RSRC1: variants seen among roughly 807,000 people sequenced by gnomAD.
The protein encoded by RSRC1 is serine/Arginine-related protein 53.
In RSRC1, 39 loss-of-function variants were observed where a neutral mutation model predicts 49.1. The observed-to-expected ratio is 0.79, with a 90% CI of 0.61 to 1.04. The LOEUF (loss-of-function observed/expected upper bound fraction) is 1.04. RSRC1 is among the 50% of genes least tolerant of loss of function. The pLI is 0.00. For synonymous variants in RSRC1, 143 were observed against 130.8 expected (o/e 1.09, Z -0.63); for missense variants, 388 against 402.4 (o/e 0.96, Z 0.31).
At chr3:158,518,122 GTGTGTATA>G (rs1446757303) in intron 7 of RSRC1, among the ~76,000 whole-genome samples, 32 of 63,008 alleles carry the variant, frequency 5.1e-4, no homozygotes, top group African/African-American at 1.4e-3. Flanking sequence ...GTGTGTGTGT[GTGTGTATA>G]TATATATATA....
At chr3:158,321,286 TC>T (rs1193959510) in intron 5 of RSRC1, among the ~76,000 whole-genome samples, 2 of 24,822 alleles carry the variant, frequency 8.1e-5, no homozygotes, top group African/African-American at 1.6e-4. Context: ...TTCCTCTTCC[TC>T]CTCCTCCTCC....
chr3:158,487,899 G>T (rs1738879084), intron 7 of RSRC1, among the ~76,000 whole-genome samples: 1 of 129,614 alleles, frequency 7.7e-6, no homozygotes, highest in East Asian at 2.4e-4. Flanking sequence ...GCAGTGAGCT[G>T]AGACCACGCC....
chr3:158,390,878 T>C (rs1733247209), intron 6 of RSRC1, among the ~76,000 whole-genome samples: 1 of 152,192 alleles, frequency 6.6e-6, no homozygotes, highest in East Asian at 1.9e-4. Flanking sequence ...ACTGAACTTT[T>C]AAGAATACTT....
intron 4 of RSRC1, 66 bp from the exon 5 acceptor site, chr3:158,297,973 G>T: frequency 8.9e-7 from 1 of 1,128,744 alleles, no homozygotes; most frequent in Non-Finnish European, 1.3e-6. Context: ...AAACATTTTT[G>T]AGGTAAACAA....
At chr3:158,508,705 A>G (rs1379254062) in intron 7 of RSRC1, among the ~76,000 whole-genome samples, 1 of 152,188 alleles carries the variant, frequency 6.6e-6, no homozygotes, top group Middle Eastern at 3.2e-3. Flanking sequence ...TGTCCAGTGT[A>G]TTCACATTGT....
chr3:158,227,057 A>G (rs1474721396), intron 4 of RSRC1, among the ~76,000 whole-genome samples: 1 of 151,916 alleles, frequency 6.6e-6, no homozygotes, highest in East Asian at 1.9e-4. Flanking sequence ...ATACTAAGAT[A>G]TAAGATTTTG....
chr3:158,229,958 C>CATCCCATAGTCCAGCATCCAGCAT (rs1384886222), intron 4 of RSRC1, among the ~76,000 whole-genome samples: 5 of 152,122 alleles, frequency 3.3e-5, no homozygotes, highest in African/African-American at 1.2e-4. Flanking sequence ...CATAGTCCAG[C>CATCCCATAGTCCAGCATCCAGCAT]AGTCCATGGT....
At chr3:158,487,187 A>G (rs1326710988) in intron 7 of RSRC1, among the ~76,000 whole-genome samples, 2 of 152,212 alleles carry the variant, frequency 1.3e-5, no homozygotes, top group South Asian at 4.1e-4. Context: ...GAGCTAACCA[A>G]TTACAAACAT....
chr3:158,215,271 T>C (rs1342613172), intron 4 of RSRC1, among the ~76,000 whole-genome samples: 1 of 151,316 alleles, frequency 6.6e-6, no homozygotes, highest in Non-Finnish European at 1.5e-5. Context: ...ATCATTATAT[T>C]TGAGATGAGT....
At chr3:158,408,990 G>A (rs547184492) in intron 6 of RSRC1, among the ~76,000 whole-genome samples, 16 of 152,036 alleles carry the variant, frequency 1.1e-4, no homozygotes, top group African/African-American at 2.7e-4. Flanking sequence ...CCGAGATCAC[G>A]CTACTGCACT....
chr3:158,210,054 T>TG (rs1721577096), intron 4 of RSRC1, among the ~76,000 whole-genome samples: 1 of 152,152 alleles, frequency 6.6e-6, no homozygotes, highest in Non-Finnish European at 1.5e-5. Context: ...AGCTGGACTC[T>TG]GAGTTTTGAC....
chr3:158,471,222 T>A (rs1344474741), intron 7 of RSRC1, among the ~76,000 whole-genome samples: 1 of 152,192 alleles, frequency 6.6e-6, no homozygotes, highest in Non-Finnish European at 1.5e-5. Flanking sequence ...AAGTCTGCAG[T>A]ATGATAAGTA....
At chr3:158,114,612 T>C (rs1322932984) in intron 1 of RSRC1, among the ~76,000 whole-genome samples, 2 of 152,230 alleles carry the variant, frequency 1.3e-5, no homozygotes, top group Non-Finnish European at 2.9e-5. Context: ...TTTCACGATA[T>C]TGATTCTTCC....
rs1713281977 is a variant in RSRC1 at position 158,545,236 on chromosome 3, C to G, written c.*961C>G. 1.2e-5 allele frequency: 1 copy of G among 85,326 alleles called. No homozygotes were observed. Among genetic ancestry groups the G allele is most frequent in the Admixed American group, 1.6e-4 (1 of 6,214 alleles). 5.3% of individuals were successfully genotyped at this position (85,326 alleles called of 1,614,324 possible). ...TTTTTTTTTGAGACGGAGTCTCGCT[C>G]TATCCCCCATGCTGGAGTGCAGTGG... On this transcript the variant is annotated 3_prime_UTR_variant, in exon 10 of 10. Coordinates refer to ENST00000611884, the MANE Select transcript of RSRC1 (RefSeq NM_001271838.2).
At chr3:158,252,708 G>T (rs1724290741) in intron 4 of RSRC1, among the ~76,000 whole-genome samples, 1 of 152,114 alleles carries the variant, frequency 6.6e-6, no homozygotes, top group Non-Finnish European at 1.5e-5. Context: ...TGAAGCCATT[G>T]AGTCATGGGC....
rs148458445 is a variant in RSRC1 at position 158,238,022 on chromosome 3, C to A, written c.494+34777C>A. ...CTGATAAGTAACTTCAGCAAAGTCTCAGGATACAAAATCAATGTGCAAAAA... is the reference window on the plus strand; with the variant it reads ...CTGATAAGTAACTTCAGCAAAGTCTAAGGATACAAAATCAATGTGCAAAAA... On this transcript the variant is annotated intron_variant, in intron 4 of 9. Transcript: ENST00000611884. Among the ~76,000 whole-genome samples the A allele has an allele frequency of 1.2e-3, 180 of 152,264 alleles. 1 individual carries two copies. The highest frequency in any genetic ancestry group is 4.2e-3 in the African/African-American group (175 of 41,554).
At chr3:158,535,014 T>G (rs1712639541) in intron 7 of RSRC1, among the ~76,000 whole-genome samples, 1 of 151,418 alleles carries the variant, frequency 6.6e-6, no homozygotes, top group South Asian at 2.1e-4. Context: ...AATTTTGACC[T>G]TAGAATCATG....
intron 4 of RSRC1, among the ~76,000 whole-genome samples, chr3:158,225,161 G>A (rs1348191765): frequency 6.6e-6 from 1 of 151,800 alleles, no homozygotes; most frequent in East Asian, 1.9e-4. Context: ...GAGAGACCTA[G>A]TCTAGCCTGT....
chr3:158,235,865 C>T (rs1723212312), intron 4 of RSRC1, among the ~76,000 whole-genome samples: 1 of 152,164 alleles, frequency 6.6e-6, no homozygotes, highest in South Asian at 2.1e-4. Flanking sequence ...TGCCTATCAT[C>T]CCAGCACTTT....
Sources: allele counts gnomAD v4.1 joint callset (sites outside exome capture counted in the v4.1 genomes callset), GRCh38; gene constraint gnomAD v4.1.1; transcripts MANE v1.5; gene names NCBI Gene and HGNC (gene_info 2026-07-23, HGNC 2026-07-21).